The following LOC122539214 variants were observed in gnomAD, a reference collection of about 807,000 sequenced individuals.
At chr19:52,655,316 A>T in the LOC122539214 span, 7 of 383,904 alleles carry the variant, frequency 1.8e-5, no homozygotes, top group Non-Finnish European at 3.2e-5. Flanking sequence ...CTCTGCTTAG[A>T]GCAGGATGAC....
chr19:52,687,556 A>AG, the LOC122539214 span, among the ~76,000 whole-genome samples: 3 of 50,550 alleles, frequency 5.9e-5, no homozygotes, highest in South Asian at 5.1e-4. Flanking sequence ...TTATATGTGT[A>AG]AATTTTATAT....
chr19:52,685,978 A>T, the LOC122539214 span, among the ~76,000 whole-genome samples: 1 of 152,078 alleles, frequency 6.6e-6, no homozygotes, highest in East Asian at 1.9e-4. Flanking sequence ...CCATCTTTCA[A>T]CATTTGTCCA....
At chr19:52,665,642 C>G in the LOC122539214 span, among the ~76,000 whole-genome samples, 1 of 152,150 alleles carries the variant, frequency 6.6e-6, no homozygotes, top group African/African-American at 2.4e-5. Flanking sequence ...AATTCTCCAA[C>G]CTGACTCATT....
chr19:52,669,228 A>G, the LOC122539214 span, among the ~76,000 whole-genome samples: 1 of 152,336 alleles, frequency 6.6e-6, no homozygotes, highest in African/African-American at 2.4e-5. Context: ...ATAAGACACC[A>G]TAAAGCAAAA....
At chr19:52,670,276 T>G in the LOC122539214 span, among the ~76,000 whole-genome samples, 2 of 152,204 alleles carry the variant, frequency 1.3e-5, no homozygotes, top group African/African-American at 4.8e-5. Flanking sequence ...ACATTTTTCC[T>G]GCCAAACCAC....
At chr19:52,687,740 A>G in the LOC122539214 span, among the ~76,000 whole-genome samples, 1 of 144,654 alleles carries the variant, frequency 6.9e-6, no homozygotes, top group Admixed American at 7.4e-5. Context: ...TAGGAGGATC[A>G]CTTGACCCCA....
the LOC122539214 span, among the ~76,000 whole-genome samples, chr19:52,659,988 C>T: frequency 2.6e-5 from 4 of 151,910 alleles, no homozygotes; most frequent in Non-Finnish European, 2.9e-5. Flanking sequence ...GTCAGGAGTT[C>T]GAGACCAGTC....
the LOC122539214 span, among the ~76,000 whole-genome samples, chr19:52,671,908 G>GT: frequency 6.6e-6 from 1 of 152,194 alleles, no homozygotes; most frequent in African/African-American, 2.4e-5. Flanking sequence ...AAGTTATTCC[G>GT]TTTTACTTGG....
At chr19:52,656,673 TG>T in the LOC122539214 span, among the ~76,000 whole-genome samples, 1 of 152,024 alleles carries the variant, frequency 6.6e-6, no homozygotes, top group Non-Finnish European at 1.5e-5. Flanking sequence ...TAAGACAAGC[TG>T]GGCCAACATG....
At chr19:52,677,156 A>G in the LOC122539214 span, among the ~76,000 whole-genome samples, 2 of 151,706 alleles carry the variant, frequency 1.3e-5, no homozygotes, top group Non-Finnish European at 2.9e-5. Flanking sequence ...AAAAAAAATA[A>G]AGGAAGAAGA....
chr19:52,654,173 G>A, the LOC122539214 span: 18 of 1,602,084 alleles, frequency 1.1e-5, no homozygotes, highest in Middle Eastern at 1.7e-4. Context: ...TGATCACGTC[G>A]GTCTGTACTA....
At chr19:52,676,686 C>T in the LOC122539214 span, among the ~76,000 whole-genome samples, 4 of 124,160 alleles carry the variant, frequency 3.2e-5, no homozygotes, top group South Asian at 9.9e-4. Flanking sequence ...GAATAGAAAG[C>T]GGGGAAAGGT....
chr19:52,653,385 T>C, the LOC122539214 span: 1 of 998,174 alleles, frequency 1.0e-6, no homozygotes, highest in Admixed American at 1.8e-5. Flanking sequence ...CCTTGCCACA[T>C]TCATTACATG....
the LOC122539214 span, among the ~76,000 whole-genome samples, chr19:52,689,987 G>A: frequency 6.6e-6 from 1 of 152,146 alleles, no homozygotes; most frequent in Non-Finnish European, 1.5e-5. Context: ...GGGGGCGACG[G>A]CGCCTGAGGA....
chr19:52,673,509 C>CAT, the LOC122539214 span, among the ~76,000 whole-genome samples: 1 of 151,912 alleles, frequency 6.6e-6, no homozygotes, highest in Non-Finnish European at 1.5e-5. Flanking sequence ...ATCACACACA[C>CAT]ACACACACAC....
the LOC122539214 span, chr19:52,653,091 A>G: frequency 3.6e-5 from 53 of 1,480,446 alleles, no homozygotes; most frequent in African/African-American, 7.4e-4. Flanking sequence ...GAATTGCCTT[A>G]TGAATTAGAA....
chr19:52,681,156 G>A, the LOC122539214 span, among the ~76,000 whole-genome samples: 2 of 151,146 alleles, frequency 1.3e-5, no homozygotes, highest in African/African-American at 2.4e-5. Flanking sequence ...ATGGTGGCAG[G>A]CACCTGTAAT....
the LOC122539214 span, among the ~76,000 whole-genome samples, chr19:52,684,758 G>C: frequency 6.6e-6 from 1 of 152,050 alleles, no homozygotes; most frequent in African/African-American, 2.4e-5. Context: ...TAAGAGCAGG[G>C]ACAATGACCT....
chr19:52,684,394 CA>C, the LOC122539214 span, among the ~76,000 whole-genome samples: 2 of 151,402 alleles, frequency 1.3e-5, no homozygotes, highest in South Asian at 2.1e-4. Flanking sequence ...AATAAAAATA[CA>C]AAAATTAACC....
Sources: gnomAD v4.1 joint callset for allele counts (sites outside exome capture counted in the v4.1 genomes callset) on GRCh38, gnomAD v4.1.1 for gene constraint, MANE v1.5 for transcripts.